PDE4B: variants seen among roughly 807,000 people sequenced by gnomAD.
PDE4B encodes phosphodiesterase 4B, also known as 3',5'-cyclic-AMP phosphodiesterase 4B.
In PDE4B, 20 loss-of-function variants were observed where a neutral mutation model predicts 82.2. The observed-to-expected ratio is 0.24, with a 90% CI of 0.17 to 0.35. PDE4B has a LOEUF of 0.35. PDE4B is among the 10% of genes least tolerant of loss of function. PDE4B has a pLI of 1.00. For synonymous variants in PDE4B, 320 were observed against 318.9 expected (o/e 1.00, Z -0.04); for missense variants, 655 against 907.2 (o/e 0.72, Z 3.57).
chr1:65,840,220 A>G (rs1646191965), intron 1 of PDE4B, among the ~76,000 whole-genome samples: 1 of 152,260 alleles, frequency 6.6e-6, no homozygotes, highest in African/African-American at 2.4e-5. Flanking sequence ...AGAAGTATGA[A>G]AAAGTTGTAA....
chr1:66,217,735 G>C (rs1369937336), intron 3 of PDE4B, among the ~76,000 whole-genome samples: 1 of 152,100 alleles, frequency 6.6e-6, no homozygotes, highest in Non-Finnish European at 1.5e-5. Context: ...CCTAGGTTCT[G>C]TTGCGCAATT....
At chr1:66,196,271 A>C (rs752014433) in intron 3 of PDE4B, among the ~76,000 whole-genome samples, 10 of 152,212 alleles carry the variant, frequency 6.6e-5, no homozygotes, top group African/African-American at 2.4e-4. Flanking sequence ...AAAACCCTGG[A>C]CAAGTCACTT....
chr1:66,257,994 T>C, intron 6 of PDE4B, 131 bp downstream of exon 6: 3 of 643,344 alleles, frequency 4.7e-6, no homozygotes, highest in Non-Finnish European at 8.2e-6. Context: ...ACAATAAAAT[T>C]TGAAAACAGG....
intron 6 of PDE4B, among the ~76,000 whole-genome samples, chr1:66,263,482 C>A (rs949550012): frequency 1.2e-4 from 18 of 152,212 alleles, no homozygotes; most frequent in African/African-American, 4.3e-4. Context: ...GTTCTCAAAT[C>A]ACTTTCACAT....
intron 3 of PDE4B, among the ~76,000 whole-genome samples, chr1:65,941,919 A>G (rs1478863282): frequency 6.6e-6 from 1 of 152,000 alleles, no homozygotes; most frequent in Non-Finnish European, 1.5e-5. Context: ...TTTCTCTGGC[A>G]TCAGCCTTTT....
intron 1 of PDE4B, among the ~76,000 whole-genome samples, chr1:65,838,531 A>C (rs1646168848): frequency 6.8e-6 from 1 of 147,978 alleles, no homozygotes; most frequent in African/African-American, 2.5e-5. Context: ...ATATGTATAT[A>C]TATGTATGTG....
At chr1:66,225,656 T>G (rs975779793) in intron 3 of PDE4B, among the ~76,000 whole-genome samples, 3 of 152,230 alleles carry the variant, frequency 2.0e-5, no homozygotes, top group African/African-American at 4.8e-5. Context: ...ACTGAATACC[T>G]GGGCCCAGTA....
At chr1:66,150,454 C>G (rs1646368937) in intron 3 of PDE4B, among the ~76,000 whole-genome samples, 1 of 152,184 alleles carries the variant, frequency 6.6e-6, no homozygotes, top group Admixed American at 6.5e-5. Flanking sequence ...TTAGGATTTT[C>G]TATTTACAAG....
At chr1:65,991,696 G>A (rs1438215990) in intron 3 of PDE4B, among the ~76,000 whole-genome samples, 2 of 152,130 alleles carry the variant, frequency 1.3e-5, no homozygotes, top group Non-Finnish European at 2.9e-5. Flanking sequence ...ACAGTGATCT[G>A]CTTTTGGACT....
chr1:66,140,675 C>T (rs773719197), intron 3 of PDE4B, among the ~76,000 whole-genome samples: 52 of 152,232 alleles, frequency 3.4e-4, no homozygotes, highest in Non-Finnish European at 5.9e-4. Context: ...CTTTCAGGGA[C>T]TGTGGATATA....
At chr1:66,115,316 G>T (rs1053741295) in intron 3 of PDE4B, among the ~76,000 whole-genome samples, 3 of 152,158 alleles carry the variant, frequency 2.0e-5, no homozygotes, top group African/African-American at 7.2e-5. Context: ...TGCATATCTG[G>T]AGTTGATCTG....
chr1:66,202,042 T>C (rs1265981167), intron 3 of PDE4B, among the ~76,000 whole-genome samples: 2 of 152,240 alleles, frequency 1.3e-5, no homozygotes, highest in African/African-American at 2.4e-5. Context: ...TTCTGGTATG[T>C]TGTGTCTTTG....
chr1:66,185,290 G>T (rs112598664), intron 3 of PDE4B, among the ~76,000 whole-genome samples: 2 of 152,064 alleles, frequency 1.3e-5, no homozygotes, highest in African/African-American at 2.4e-5. Context: ...GAATAGTGCC[G>T]CAATAAACAT....
At chr1:66,094,545 C>T (rs1645080471) in intron 3 of PDE4B, 1 of 151,962 alleles carries the variant, frequency 6.6e-6, no homozygotes. Context: ...CTGTGCAAAG[C>T]TGATTTAGTC....
intron 1 of PDE4B, among the ~76,000 whole-genome samples, chr1:65,829,258 AG>A (rs1646053947): frequency 6.6e-6 from 1 of 152,204 alleles, no homozygotes; most frequent in East Asian, 1.9e-4. Flanking sequence ...AAATTATCCA[AG>A]AAGATATAAT....
chr1:65,868,363 G>A (rs1038323368), intron 1 of PDE4B, among the ~76,000 whole-genome samples: 16 of 152,154 alleles, frequency 1.1e-4, no homozygotes, highest in African/African-American at 2.4e-4. Flanking sequence ...ACAAGAAAGC[G>A]CAATTAATTG....
intron 3 of PDE4B, among the ~76,000 whole-genome samples, chr1:66,242,084 AC>A (rs553091394): frequency 2.6e-5 from 4 of 152,190 alleles, no homozygotes; most frequent in Non-Finnish European, 5.9e-5. Context: ...ATAAGTAAAC[AC>A]AAGAGTATAG....
At chr1:66,090,534 C>T (rs1644990642) in intron 3 of PDE4B, among the ~76,000 whole-genome samples, 1 of 149,958 alleles carries the variant, frequency 6.7e-6, no homozygotes, top group Admixed American at 6.7e-5. Flanking sequence ...TAAGTGTTAT[C>T]ATAGTCAAAT....
chr1:66,143,666 A>G (rs1400081347), intron 3 of PDE4B, among the ~76,000 whole-genome samples: 1 of 152,224 alleles, frequency 6.6e-6, no homozygotes, highest in African/African-American at 2.4e-5. Context: ...TCTCAGAACT[A>G]CCTTGTAGCA....
Sources: allele counts gnomAD v4.1 joint callset (sites outside exome capture counted in the v4.1 genomes callset), GRCh38; gene constraint gnomAD v4.1.1; transcripts MANE v1.5; gene names NCBI Gene and HGNC (gene_info 2026-07-23, HGNC 2026-07-21).